The following CFAP100 variants were observed in gnomAD, a reference collection of about 807,000 sequenced individuals.
The protein encoded by CFAP100 is cilia- and flagella-associated protein 100.
A neutral mutation model predicts 81.5 loss-of-function variants in CFAP100; 70 were observed. That is an observed-to-expected ratio of 0.86 (90% CI 0.71 to 1.05). The LOEUF (loss-of-function observed/expected upper bound fraction) is 1.05, where lower values mean the gene tolerates loss of function less well. Ranked by LOEUF, CFAP100 falls within the 50% of genes least tolerant of loss-of-function variation. The pLI, the probability that CFAP100 is intolerant of heterozygous loss-of-function variation, is 0.00. For missense variants in CFAP100, 811 were observed against 776.5 expected (o/e 1.04, Z -0.53); for synonymous variants, 341 against 314.8 (o/e 1.08, Z -0.88).
intron 13 of CFAP100, among the ~76,000 whole-genome samples, chr3:126,425,786 T>C (rs2083395611): frequency 6.6e-6 from 1 of 152,230 alleles, no homozygotes; most frequent in Non-Finnish European, 1.5e-5. Flanking sequence ...TAATCTGTCA[T>C]ATCCACATGT....
At chr3:126,425,733 T>TATCCTAG (rs1197939181) in intron 13 of CFAP100, among the ~76,000 whole-genome samples, 1 of 152,228 alleles carries the variant, frequency 6.6e-6, no homozygotes. Flanking sequence ...AAATGGGATT[T>TATCCTAG]ATCCTAGGTA....
At chr3:126,416,229 G>GCGTCCCCGGCCTCAGGTCCGCT in intron 4 of CFAP100, 87 bp from the exon 5 acceptor site, 1 of 1,215,682 alleles carries the variant, frequency 8.2e-7, no homozygotes, top group Non-Finnish European at 1.1e-6. Context: ...GCGCAAACCC[G>GCGTCCCCGGCCTCAGGTCCGCT]CGTCCCTAGG....
intron 9 of CFAP100, 53 bp from the exon 10 acceptor site, chr3:126,419,927 C>G: frequency 6.2e-7 from 1 of 1,612,550 alleles, no homozygotes; most frequent in Non-Finnish European, 8.5e-7. Context: ...CATGGCGTTG[C>G]TGAAGCTTGG....
At chr3:126,412,128 T>A (rs2083167729) in intron 3 of CFAP100, among the ~76,000 whole-genome samples, 1 of 152,230 alleles carries the variant, frequency 6.6e-6, no homozygotes, top group African/African-American at 2.4e-5. Flanking sequence ...ATTCAAAGAA[T>A]TTTCAAATTT....
chr3:126,416,482 C>G lies in CFAP100; in HGVS notation c.392C>G (p.Thr131Arg), dbSNP rs774256326. The change falls in exon 5 of 17, where the codon ACG becomes AGG. Residue 131 changes from threonine (T) to arginine (R), a missense_variant. By Grantham distance (71) the Thr-to-Arg change is moderately conservative. Coordinates refer to ENST00000352312, the MANE Select transcript of CFAP100 (RefSeq NM_182628.3). ...CATCAGCGCGCCTTCCGCGACTACA[C>G]GACCTGGAAGCTCACCTTGACCAAA... is the stretch of plus-strand genomic sequence containing the variant. Reference protein sequence around the residue: ...AEHQRAFRDYTTWKLTLTKEK... With the variant: ...AEHQRAFRDYRTWKLTLTKEK... The G allele has an allele frequency of 7.5e-6, 12 of 1,602,856 alleles. No homozygotes were observed. The highest frequency in any genetic ancestry group is 1.1e-5 in the South Asian group (1 of 90,024).
At chr3:126,400,884 C>T (rs912980584) in intron 2 of CFAP100, among the ~76,000 whole-genome samples, 7 of 152,192 alleles carry the variant, frequency 4.6e-5, no homozygotes, top group Admixed American at 2.0e-4. Flanking sequence ...TATTAGCACA[C>T]GCATGTTCAC....
In CFAP100 at chr3:126,423,576, G is replaced by A. The variant is rs745691211; in HGVS notation, c.1218G>A (p.Gln406=). The change falls in exon 13 of 17, where the codon CAG becomes CAA. Residue 406 remains glutamine (Q), a synonymous_variant. Transcript: ENST00000352312. The part of the protein sequence containing the change: ...ELEEQNLSLI[Q]NSQETEKTLE... ...AGGAGCAGAACCTGTCGCTGATCCA[G>A]AACAGCCAGGAGACGGAGAAGACCC... The A allele has an allele frequency of 6.2e-7, 1 of 1,612,952 alleles. No homozygotes were observed. Among genetic ancestry groups the A allele is most frequent in the Non-Finnish European group, 8.5e-7 (1 of 1,179,164 alleles).
chr3:126,424,978 G>C (rs1292448592), intron 13 of CFAP100, among the ~76,000 whole-genome samples: 1 of 152,204 alleles, frequency 6.6e-6, no homozygotes, highest in South Asian at 2.1e-4. Context: ...CCATGCTCCT[G>C]AGCACCCATG....
intron 2 of CFAP100, among the ~76,000 whole-genome samples, chr3:126,404,305 C>T (rs900158104): frequency 2.0e-5 from 3 of 152,110 alleles, no homozygotes; most frequent in Admixed American, 6.6e-5. Flanking sequence ...TCTCCAAGCA[C>T]GAAGTTGAGG....
intron 13 of CFAP100, 125 bp downstream of exon 13, chr3:126,423,769 T>C: frequency 2.5e-6 from 3 of 1,181,900 alleles, no homozygotes; most frequent in Non-Finnish European, 2.4e-6. Flanking sequence ...GTCCAGGTTG[T>C]CTGAAAAGCT....
chr3:126,399,637 AG>A (rs2082940643), intron 2 of CFAP100, among the ~76,000 whole-genome samples: 2 of 152,168 alleles, frequency 1.3e-5, no homozygotes, highest in African/African-American at 4.8e-5. Flanking sequence ...CATTGACAAC[AG>A]GGGTGACATC....
chr3:126,413,823 G>A (rs888605868), intron 3 of CFAP100, among the ~76,000 whole-genome samples: 3 of 152,224 alleles, frequency 2.0e-5, no homozygotes, highest in Non-Finnish European at 4.4e-5. Flanking sequence ...GAGGGCAGAC[G>A]TGTGAGACAA....
intron 3 of CFAP100, 125 bp downstream of exon 3, chr3:126,407,377 T>C: frequency 1.7e-6 from 1 of 584,454 alleles, no homozygotes; most frequent in Non-Finnish European, 3.0e-6. Context: ...CTCTTTCCAT[T>C]AGGAATTGGG....
intron 2 of CFAP100, among the ~76,000 whole-genome samples, chr3:126,406,469 C>T (rs1396798140): frequency 1.3e-5 from 2 of 152,188 alleles, no homozygotes; most frequent in African/African-American, 2.4e-5. Context: ...CCAGGATCTC[C>T]GAGCTGCAAA....
intron 5 of CFAP100, chr3:126,416,887 ATTGT>A (rs564276948): frequency 9.3e-4 from 139 of 148,910 alleles, no homozygotes; most frequent in Admixed American, 1.6e-3. Flanking sequence ...ATTAGTCGTT[ATTGT>A]TTATCTTTTA....
intron 7 of CFAP100, 124 bp from the exon 8 acceptor site, chr3:126,418,952 C>A: frequency 1.0e-6 from 1 of 980,576 alleles, no homozygotes; most frequent in Non-Finnish European, 1.5e-6. Context: ...AACTGTGTGG[C>A]TCTCCAGCCC....
chr3:126,420,255 G>A, intron 11 of CFAP100, 26 bp downstream of exon 11: 1 of 1,610,282 alleles, frequency 6.2e-7, no homozygotes, highest in Non-Finnish European at 8.5e-7. Flanking sequence ...TGGTTGGGAG[G>A]GGCTGAGGCC....
Position 126,433,109 on chromosome 3 carries a change from A to G in CFAP100, c.1327A>G (p.Met443Val). The G allele has an allele frequency of 6.2e-7, 1 of 1,614,208 alleles. No homozygotes were observed. Among genetic ancestry groups the G allele is most frequent in the East Asian group, 2.2e-5 (1 of 44,874 alleles). The change falls in exon 14 of 17, where the codon ATG becomes GTG. Residue 443 changes from methionine (M) to valine (V), a missense_variant. Physicochemically the swap from Met to Val is conservative, Grantham distance 21. Transcript: ENST00000352312. ...VNQLKQWVTT[M>V]MMSITKEEDT... is the part of the protein sequence containing the mutation. ...CCAGCTGAAGCAGTGGGTCACCACA[A>G]TGATGATGTCCATCACCAAGGAGGA...
intron 3 of CFAP100, among the ~76,000 whole-genome samples, chr3:126,410,644 G>A (rs530667237): frequency 6.6e-6 from 1 of 152,184 alleles, no homozygotes; most frequent in South Asian, 2.1e-4. Flanking sequence ...GGCATTCCAG[G>A]CATGAGCTAC....
Sources: allele counts gnomAD v4.1 joint callset (sites outside exome capture counted in the v4.1 genomes callset), GRCh38; gene constraint gnomAD v4.1.1; transcripts MANE v1.5; gene names NCBI Gene and HGNC (gene_info 2026-07-23, HGNC 2026-07-21).